The following SYT1 variants were observed in gnomAD, a reference collection of about 807,000 sequenced individuals.
SYT1 encodes synaptotagmin-1.
In SYT1, 8 loss-of-function variants were observed where a neutral mutation model predicts 44.8. The observed-to-expected ratio is 0.18, with a 90% CI of 0.10 to 0.32. The LOEUF is 0.32. Ranked by LOEUF, SYT1 falls within the 10% of genes least tolerant of loss-of-function variation. The probability of loss-of-function intolerance (pLI) is 1.00; values close to 1 mark genes in which losing one functional copy is unlikely to be tolerated. For missense variants in SYT1, 286 were observed against 509.3 expected, an observed-to-expected ratio of 0.56 and a Z score of 4.22; for synonymous variants, 154 against 188.8, an observed-to-expected ratio of 0.82 and a Z score of 1.51.
At chr12:79,294,841 T>A (rs1879801704) in intron 6 of SYT1, among the ~76,000 whole-genome samples, 2 of 152,054 alleles carry the variant, frequency 1.3e-5, no homozygotes, top group Non-Finnish European at 2.9e-5. Context: ...CTGTGTTTTG[T>A]TTACCTACAA....
At chr12:79,267,061 C>T (rs1387252109) in intron 4 of SYT1, among the ~76,000 whole-genome samples, 1 of 152,094 alleles carries the variant, frequency 6.6e-6, no homozygotes, top group African/African-American at 2.4e-5. Flanking sequence ...ATTCTAAAAA[C>T]GTCCTCACTT....
chr12:79,026,667 T>TTTTTATATATATATATA (rs1298013189), intron 2 of SYT1, among the ~76,000 whole-genome samples: 1 of 102,280 alleles, frequency 9.8e-6, no homozygotes, highest in Non-Finnish European at 2.0e-5. Context: ...CATATATATT[T>TTTTTATATATATATATA]TATATATATA....
At chr12:79,064,078 T>C (rs999795414) in intron 3 of SYT1, among the ~76,000 whole-genome samples, 1 of 144,458 alleles carries the variant, frequency 6.9e-6, no homozygotes, top group African/African-American at 2.7e-5. Flanking sequence ...TAAAGCTTAG[T>C]GCACAAGTAG....
At chr12:79,355,261 T>A (rs1883067786) in intron 9 of SYT1, among the ~76,000 whole-genome samples, 1 of 152,138 alleles carries the variant, frequency 6.6e-6, no homozygotes, top group South Asian at 2.1e-4. Context: ...TAATGTATAG[T>A]GAGGTTATTG....
At chr12:79,089,886 TC>T (rs1877652154) in intron 3 of SYT1, among the ~76,000 whole-genome samples, 1 of 152,068 alleles carries the variant, frequency 6.6e-6, no homozygotes, top group Admixed American at 6.6e-5. Flanking sequence ...GTACCCTAAT[TC>T]ACTCAAAACT....
At chr12:79,179,348 C>A (rs1224437694) in intron 3 of SYT1, among the ~76,000 whole-genome samples, 4 of 6,610 alleles carry the variant, frequency 6.1e-4, no homozygotes, top group South Asian at 2.9e-3. Flanking sequence ...ATCGATATGT[C>A]TATATCGATA....
rs565148730 is a variant in SYT1, at chr12:79,064,089, A to G, written c.-18+16727A>G. ...AGCATAAAGCTTAGTGCACAAGTAGATGAATCTATTCAGCCATGCAACAGT... is the reference window on the plus strand; with the variant it reads ...AGCATAAAGCTTAGTGCACAAGTAGGTGAATCTATTCAGCCATGCAACAGT... On this transcript the variant is annotated intron_variant, in intron 3 of 10. Transcript: ENST00000261205. Among the ~76,000 whole-genome samples the G allele has an allele frequency of 8.5e-5, 13 of 152,272 alleles. No homozygotes were observed. The South Asian group carries it at 2.5e-3, about 29-fold the overall frequency.
chr12:79,438,364 C>T (rs1870211969), intron 9 of SYT1, among the ~76,000 whole-genome samples: 1 of 152,108 alleles, frequency 6.6e-6, no homozygotes, highest in African/African-American at 2.4e-5. Context: ...GGTGATAGTT[C>T]ATGCCACCTA....
rs112461805 is a variant in SYT1 at position 79,176,040 on chromosome 12, C to T, written c.-17-41463C>T. ...GTGTGGAGGGTCACACCTGTAATCC[C>T]AGCACTTTGGAAGGCCGAGGAGGGT... On this transcript the variant is annotated intron_variant, in intron 3 of 10. Coordinates refer to ENST00000261205, the MANE Select transcript of SYT1 (RefSeq NM_005639.3). Among the ~76,000 whole-genome samples, 1,106 of 152,092 alleles carry T rather than the reference C, an allele frequency of 7.3e-3. 10 individuals carry two copies. Among genetic ancestry groups the T allele is most frequent in the Middle Eastern group, 0.045 (13 of 292 alleles).
chr12:79,088,265 A>G (rs1877517887), intron 3 of SYT1, among the ~76,000 whole-genome samples: 1 of 152,040 alleles, frequency 6.6e-6, no homozygotes, highest in African/African-American at 2.4e-5. Context: ...TTTCTAGATA[A>G]CAAGAAGTTG....
chr12:78,974,310 C>A (rs1042834555), intron 1 of SYT1, among the ~76,000 whole-genome samples: 2 of 151,722 alleles, frequency 1.3e-5, no homozygotes, highest in Non-Finnish European at 2.9e-5. Flanking sequence ...TTATTTGGTG[C>A]ATAACTATAT....
Position 79,231,696 on chromosome 12 carries a change from T to A in SYT1, c.166+14011T>A, listed in dbSNP as rs557241353. Among the ~76,000 whole-genome samples, 233 of 152,262 alleles carry A rather than the reference T, an allele frequency of 1.5e-3. 1 individual carries two copies. Among genetic ancestry groups the A allele is most frequent in the African/African-American group, 5.3e-3 (222 of 41,568 alleles). ...TATTTTAATGTAAAAATATAAAAAA[T>A]TAATTATTTAATGTAAAATGTAAAA... is the stretch of plus-strand genomic sequence containing the variant. On this transcript the variant is annotated intron_variant, in intron 4 of 10. Transcript: ENST00000261205.
intron 9 of SYT1, among the ~76,000 whole-genome samples, chr12:79,359,415 A>G (rs937028697): frequency 1.3e-5 from 2 of 152,112 alleles, no homozygotes; most frequent in Non-Finnish European, 2.9e-5. Context: ...CTTCCTGGCC[A>G]TCCCTAGTCC....
At chr12:79,259,544 G>A (rs1284089667) in intron 4 of SYT1, among the ~76,000 whole-genome samples, 4 of 152,084 alleles carry the variant, frequency 2.6e-5, no homozygotes, top group Admixed American at 2.6e-4. Context: ...ATCAGCCTGG[G>A]CAACATATGG....
intron 4 of SYT1, among the ~76,000 whole-genome samples, chr12:79,251,031 C>A (rs1877180821): frequency 6.6e-6 from 1 of 152,098 alleles, no homozygotes; most frequent in Non-Finnish European, 1.5e-5. Context: ...TGTGGAAATA[C>A]ATCAGTAAAG....
At chr12:78,994,005 G>A (rs1307898195) in intron 2 of SYT1, among the ~76,000 whole-genome samples, 3 of 152,200 alleles carry the variant, frequency 2.0e-5, no homozygotes, top group Non-Finnish European at 4.4e-5. Context: ...GAACAAAAAA[G>A]TTGTGTTTCC....
intron 3 of SYT1, among the ~76,000 whole-genome samples, chr12:79,200,820 T>C (rs1341030980): frequency 2.0e-5 from 3 of 152,158 alleles, no homozygotes; most frequent in Non-Finnish European, 1.5e-5. Flanking sequence ...GTTATCCAGA[T>C]AATAACTGAA....
At chr12:78,959,050 G>T (rs1287511131) in intron 1 of SYT1, among the ~76,000 whole-genome samples, 1 of 152,074 alleles carries the variant, frequency 6.6e-6, no homozygotes, top group Admixed American at 6.6e-5. Flanking sequence ...CTATAAAACT[G>T]CAGCATAAGG....
rs1016815669 is a variant in SYT1 at position 79,398,848 on chromosome 12, C to T, written c.929-45225C>T. 1.1e-4 allele frequency among the ~76,000 whole-genome samples: 17 copies of T among 152,228 alleles called. No homozygotes were observed. The South Asian group carries it at 1.2e-3, about 11-fold the overall frequency. ...TAGGAGAGGGTACAGAATCTAATAT[C>T]GGGGCCAAACAATTTTCTATTCAAC... On this transcript the variant is annotated intron_variant, in intron 9 of 10. Coordinates refer to ENST00000261205, the MANE Select transcript of SYT1 (RefSeq NM_005639.3).
Sources: allele counts gnomAD v4.1 joint callset (sites outside exome capture counted in the v4.1 genomes callset), GRCh38; gene constraint gnomAD v4.1.1; transcripts MANE v1.5; gene names NCBI Gene and HGNC (gene_info 2026-07-23, HGNC 2026-07-21).